Variants in TENM3 observed in about 807,000 individuals in gnomAD.
The protein encoded by TENM3 is teneurin transmembrane protein 3.
A neutral mutation model predicts 255.1 loss-of-function variants in TENM3; 63 were observed. The ratio of observed to expected loss-of-function variants is 0.25; its 90% CI spans 0.20 to 0.30. The LOEUF is 0.30. Ranked by LOEUF, TENM3 falls within the 10% of genes least tolerant of loss-of-function variation. TENM3 has a pLI of 1.00. For synonymous variants in TENM3, 1,306 were observed against 1,322.3 expected (o/e 0.99, Z 0.27); for missense variants, 2,929 against 3,461.1 (o/e 0.85, Z 3.86).
intron 1 of TENM3, among the ~76,000 whole-genome samples, chr4:182,291,223 G>T (rs1477921410): frequency 2.6e-5 from 4 of 152,170 alleles, no homozygotes; most frequent in African/African-American, 9.7e-5. Flanking sequence ...CGAGCTGGCT[G>T]GTCTCCGGCA....
chr4:182,465,214 A>C (rs2151419616), intron 3 of TENM3, among the ~76,000 whole-genome samples: 3 of 152,344 alleles, frequency 2.0e-5, no homozygotes, highest in Middle Eastern at 6.8e-3. Context: ...AATTACTAAG[A>C]TCAAACATTA....
At chr4:182,734,531 G>C (rs6857314) in intron 16 of TENM3, among the ~76,000 whole-genome samples, 58,769 of 152,086 alleles carry the variant, frequency 0.39, 12,594 homozygotes, top group East Asian at 0.69. Context: ...CGTATCCAGG[G>C]CTCAGATGGA....
intron 3 of TENM3, among the ~76,000 whole-genome samples, chr4:182,385,425 C>T (rs546174166): frequency 1.3e-5 from 2 of 152,048 alleles, no homozygotes; most frequent in South Asian, 4.2e-4. Context: ...CAACCAAGCC[C>T]GGATAATTTT....
At chr4:182,026,381 T>C in the TENM3 span, among the ~76,000 whole-genome samples, 4 of 152,202 alleles carry the variant, frequency 2.6e-5, no homozygotes, top group African/African-American at 4.8e-5. Context: ...AGATGAGTAG[T>C]TTACTAATAT....
At chr4:181,767,430 A>G in the TENM3 span, among the ~76,000 whole-genome samples, 7 of 152,248 alleles carry the variant, frequency 4.6e-5, no homozygotes, top group Admixed American at 1.3e-4. Context: ...ATCAATCAAC[A>G]TAAGGTGGCT....
intron 13 of TENM3, 67 bp from the exon 14 acceptor site, chr4:182,728,898 C>T (rs929938001): frequency 9.8e-6 from 12 of 1,229,910 alleles, no homozygotes; most frequent in Non-Finnish European, 1.4e-5. Context: ...AGTCAAGAAA[C>T]AAAACTGATT....
chr4:182,650,889 A>AAAATATATATATATATATATATATAT (rs1281790163), intron 5 of TENM3, among the ~76,000 whole-genome samples: 2 of 29,756 alleles, frequency 6.7e-5, no homozygotes, highest in East Asian at 7.9e-4. Flanking sequence ...AATAAAAAAA[A>AAAATATATATATATATATATATATAT]ATATATATAT....
the TENM3 span, among the ~76,000 whole-genome samples, chr4:181,687,112 G>A: frequency 6.6e-6 from 1 of 152,102 alleles, no homozygotes. Flanking sequence ...TGCCAAATTA[G>A]TAATTTTATA....
intron 1 of TENM3, among the ~76,000 whole-genome samples, chr4:182,180,188 T>G (rs947504109): frequency 2.0e-5 from 3 of 152,176 alleles, no homozygotes; most frequent in African/African-American, 7.2e-5. Context: ...CTTTCCAAAA[T>G]GCTGCTTTAC....
chr4:182,389,932 G>T (rs556896068), intron 3 of TENM3, among the ~76,000 whole-genome samples: 2 of 152,210 alleles, frequency 1.3e-5, no homozygotes, highest in South Asian at 2.1e-4. Context: ...TGATCCGCCC[G>T]CCTCAGCCTC....
chr4:181,601,349 T>C, the TENM3 span, among the ~76,000 whole-genome samples: 2 of 152,186 alleles, frequency 1.3e-5, no homozygotes, highest in Non-Finnish European at 2.9e-5. Context: ...TCTGGGTGAC[T>C]TAAACAAATT....
intron 3 of TENM3, among the ~76,000 whole-genome samples, chr4:182,367,794 A>G (rs1041672304): frequency 2.0e-5 from 3 of 152,206 alleles, no homozygotes; most frequent in Non-Finnish European, 4.4e-5. Context: ...TCAAAAATAC[A>G]TGTGGATTTA....
At chr4:181,644,941 C>T in the TENM3 span, among the ~76,000 whole-genome samples, 1 of 151,966 alleles carries the variant, frequency 6.6e-6, no homozygotes, top group Non-Finnish European at 1.5e-5. Context: ...GGAGGAGAGG[C>T]TGGTAAGACT....
the TENM3 span, among the ~76,000 whole-genome samples, chr4:181,659,934 G>A: frequency 6.6e-6 from 1 of 152,066 alleles, no homozygotes; most frequent in Non-Finnish European, 1.5e-5. Flanking sequence ...GACAACAAAA[G>A]CAGTTGTTGT....
chr4:182,691,446 C>T (rs1757000682), intron 12 of TENM3, among the ~76,000 whole-genome samples: 1 of 152,170 alleles, frequency 6.6e-6, no homozygotes, highest in African/African-American at 2.4e-5. Flanking sequence ...ATTAGTCATC[C>T]TACTGTCTTC....
intron 4 of TENM3, among the ~76,000 whole-genome samples, chr4:182,612,173 G>A (rs554729651): frequency 4.0e-5 from 6 of 151,806 alleles, no homozygotes; most frequent in African/African-American, 1.5e-4. Context: ...AGGGGAGGCT[G>A]AGGCAGGGGA....
chr4:182,457,060 CTGTAA>C lies in TENM3; in HGVS notation c.511+110133_511+110137del, dbSNP rs543955756. Among the ~76,000 whole-genome samples the C allele has an allele frequency of 3.2e-3, 490 of 151,990 alleles. 8 individuals are homozygous for C. Among genetic ancestry groups the C allele is most frequent in the African/African-American group, 0.011 (463 of 41,472 alleles). On this transcript the variant is annotated intron_variant, in intron 3 of 27. Transcript: ENST00000511685. ...ATTAGCCGGGCGTGGTGACATGCGCCTGTAATCCCAGCTACTCGGAAGGCTGAGGC... is the reference window on the plus strand; with the variant it reads ...ATTAGCCGGGCGTGGTGACATGCGCCTCCCAGCTACTCGGAAGGCTGAGGC...
intron 3 of TENM3, among the ~76,000 whole-genome samples, chr4:182,353,343 G>A (rs1485381888): frequency 6.6e-6 from 1 of 152,064 alleles, no homozygotes; most frequent in Non-Finnish European, 1.5e-5. Flanking sequence ...AAATTTCACT[G>A]TGGGCCCTCT....
chr4:181,619,442 G>A, the TENM3 span, among the ~76,000 whole-genome samples: 2 of 151,936 alleles, frequency 1.3e-5, no homozygotes, highest in African/African-American at 2.4e-5. Flanking sequence ...TTATTTTAGA[G>A]ACAGAGTCTC....
Sources: allele counts gnomAD v4.1 joint callset (sites outside exome capture counted in the v4.1 genomes callset), GRCh38; gene constraint gnomAD v4.1.1; transcripts MANE v1.5; gene names NCBI Gene and HGNC (gene_info 2026-07-23, HGNC 2026-07-21).